The following RGS7 variants were observed in gnomAD, a reference collection of about 807,000 sequenced individuals.
The protein encoded by RGS7 is regulator of G-protein signaling 7.
Under a neutral mutation model 81.1 loss-of-function variants are expected in RGS7, and 27 were observed. The observed-to-expected ratio is 0.33, with a 90% CI of 0.25 to 0.46. The LOEUF is 0.46. RGS7 is among the 20% of genes least tolerant of loss of function. RGS7 has a pLI of 1.00. For synonymous variants in RGS7, 208 were observed against 207.7 expected (o/e 1.00, Z -0.01); for missense variants, 396 against 607.4 (o/e 0.65, Z 3.66).
chr1:241,126,815 T>C (rs1290363380), intron 2 of RGS7, among the ~76,000 whole-genome samples: 1 of 151,926 alleles, frequency 6.6e-6, no homozygotes, highest in Non-Finnish European at 1.5e-5. Flanking sequence ...GTTGATTTTT[T>C]TTTTTTTTGG....
chr1:240,839,144 T>C (rs1695194013), intron 9 of RGS7, among the ~76,000 whole-genome samples: 1 of 152,196 alleles, frequency 6.6e-6, no homozygotes, highest in African/African-American at 2.4e-5. Flanking sequence ...TTTTATGTGA[T>C]TTTATGCCAT....
At chr1:241,171,607 A>G (rs1304712339) in intron 2 of RGS7, among the ~76,000 whole-genome samples, 2 of 152,220 alleles carry the variant, frequency 1.3e-5, no homozygotes, top group Non-Finnish European at 2.9e-5. Context: ...TCTAGTAACA[A>G]GTGATTCCTA....
chr1:241,152,442 ACAATAATTGG>A (rs2068822289), intron 2 of RGS7, among the ~76,000 whole-genome samples: 1 of 152,222 alleles, frequency 6.6e-6, no homozygotes, highest in African/African-American at 2.4e-5. Flanking sequence ...AAGTTATTCA[ACAATAATTGG>A]GAGCTTCATC....
chr1:241,330,275 ACT>A (rs1258968365), intron 2 of RGS7, among the ~76,000 whole-genome samples: 1 of 152,008 alleles, frequency 6.6e-6, no homozygotes, highest in African/African-American at 2.4e-5. Flanking sequence ...AGGGCCCATA[ACT>A]CTCTCATCTG....
chr1:240,976,429 C>T (rs1473468807), intron 4 of RGS7, among the ~76,000 whole-genome samples: 1 of 152,182 alleles, frequency 6.6e-6, no homozygotes, highest in Non-Finnish European at 1.5e-5. Context: ...ACACTGTACC[C>T]TGATATTTGG....
chr1:240,830,272 A>G (rs1471268722), intron 9 of RGS7, among the ~76,000 whole-genome samples: 1 of 152,228 alleles, frequency 6.6e-6, no homozygotes, highest in Non-Finnish European at 1.5e-5. Flanking sequence ...GGTGGATGGG[A>G]GCCTGAAGTT....
At chr1:241,183,136 A>T (rs2071784955) in intron 2 of RGS7, among the ~76,000 whole-genome samples, 1 of 152,110 alleles carries the variant, frequency 6.6e-6, no homozygotes, top group African/African-American at 2.4e-5. Flanking sequence ...AGATCGCCCA[A>T]ATACCACTCT....
At chr1:241,332,549 G>A (rs1019283964) in intron 2 of RGS7, among the ~76,000 whole-genome samples, 4 of 152,178 alleles carry the variant, frequency 2.6e-5, no homozygotes, top group Admixed American at 6.5e-5. Context: ...TGGCATGCGG[G>A]AGAGGGAGGA....
At chr1:241,203,219 T>C (rs2073645157) in intron 2 of RGS7, among the ~76,000 whole-genome samples, 1 of 152,044 alleles carries the variant, frequency 6.6e-6, no homozygotes, top group Non-Finnish European at 1.5e-5. Flanking sequence ...GAGACTTACC[T>C]TGAGTTCTGC....
chr1:241,013,435 C>T (rs2059072702), intron 3 of RGS7, among the ~76,000 whole-genome samples: 1 of 152,138 alleles, frequency 6.6e-6, no homozygotes, highest in South Asian at 2.1e-4. Context: ...CATTTGAATA[C>T]CTTTTTCTTC....
At chr1:241,062,638 C>T (rs75589505) in intron 3 of RGS7, among the ~76,000 whole-genome samples, 3,083 of 152,208 alleles carry the variant, frequency 0.02, 122 homozygotes, top group African/African-American at 0.071. Flanking sequence ...TCATATTTTC[C>T]GGCTATTTCT....
intron 2 of RGS7, among the ~76,000 whole-genome samples, chr1:241,276,316 A>G (rs2078192219): frequency 6.6e-6 from 1 of 152,242 alleles, no homozygotes; most frequent in Admixed American, 6.5e-5. Flanking sequence ...CAGCCTAAAC[A>G]CAATTAACAT....
At chr1:241,175,015 G>A (rs181739481) in intron 2 of RGS7, among the ~76,000 whole-genome samples, 108 of 141,672 alleles carry the variant, frequency 7.6e-4, no homozygotes, top group East Asian at 1.8e-3. Context: ...TGATTCTCCC[G>A]CCTCAGCCTC....
chr1:241,122,545 C>G (rs1379506904), intron 2 of RGS7, among the ~76,000 whole-genome samples: 1 of 151,742 alleles, frequency 6.6e-6, no homozygotes, highest in Non-Finnish European at 1.5e-5. Flanking sequence ...GCCTGTAACC[C>G]TAGCTACTTG....
intron 9 of RGS7, among the ~76,000 whole-genome samples, chr1:240,834,408 T>G (rs978991361): frequency 7.9e-5 from 12 of 152,230 alleles, no homozygotes; most frequent in African/African-American, 2.7e-4. Flanking sequence ...TCATACGAAG[T>G]CAGCCTGAAG....
At chr1:240,930,887 A>G in intron 5 of RGS7, 119 bp from the exon 6 acceptor site, 1 of 992,504 alleles carries the variant, frequency 1.0e-6, no homozygotes, top group South Asian at 1.3e-5. Flanking sequence ...TATGTTTTAT[A>G]ATACAGAACA....
At chr1:240,940,868 G>A (rs1036836916) in intron 4 of RGS7, among the ~76,000 whole-genome samples, 6 of 152,188 alleles carry the variant, frequency 3.9e-5, no homozygotes, top group Non-Finnish European at 8.8e-5. Flanking sequence ...TAATTTACAA[G>A]TTATATACTT....
chr1:241,100,032 A>G (rs1040151667), intron 2 of RGS7, among the ~76,000 whole-genome samples: 3 of 151,480 alleles, frequency 2.0e-5, no homozygotes, highest in African/African-American at 7.3e-5. Context: ...AATTATTTCA[A>G]AGTAAACAGT....
chr1:240,955,413 A>T (rs1680207329), intron 4 of RGS7, among the ~76,000 whole-genome samples: 2 of 152,006 alleles, frequency 1.3e-5, no homozygotes, highest in South Asian at 4.2e-4. Flanking sequence ...TTAGCCAGAC[A>T]TGGTGGTGGG....
Sources: allele counts gnomAD v4.1 joint callset (sites outside exome capture counted in the v4.1 genomes callset), GRCh38; gene constraint gnomAD v4.1.1; transcripts MANE v1.5; gene names NCBI Gene and HGNC (gene_info 2026-07-23, HGNC 2026-07-21).